MIDN: variants seen among roughly 807,000 people sequenced by gnomAD.
The protein encoded by MIDN is midnolin.
MIDN carries 26 observed loss-of-function variants against 46.1 expected under a neutral mutation model. The ratio of observed to expected loss-of-function variants is 0.56; its 90% CI spans 0.41 to 0.78. The LOEUF is 0.78. Among genes scored for constraint, MIDN ranks in the 30% least tolerant of loss-of-function variants. MIDN has a pLI of 0.00. For synonymous variants in MIDN, 432 were observed against 343.3 expected, an observed-to-expected ratio of 1.26 and a Z score of -2.86; for missense variants, 850 against 771.8, an observed-to-expected ratio of 1.10 and a Z score of -1.20.
chr19:1,253,254 A>G (rs2145490833), intron 4 of MIDN, among the ~76,000 whole-genome samples: 1 of 151,530 alleles, frequency 6.6e-6, no homozygotes, highest in East Asian at 2.0e-4. Context: ...GCTGGGCCGC[A>G]GGGTGGGGGC....
intron 2 of MIDN, 121 bp from the exon 3 acceptor site, chr19:1,251,441 G>T: frequency 1.2e-6 from 1 of 820,400 alleles, no homozygotes; most frequent in South Asian, 1.7e-5. Context: ...AAGCCGGGAA[G>T]GGGTGGGGGT....
At position 1,257,143 on chromosome 19, in the gene MIDN, C is replaced by G; in HGVS notation, c.1407C>G (p.Arg469=). The change falls in exon 9 of 9, where the codon CGC becomes CGG. Residue 469 remains arginine, a synonymous_variant. Transcript: ENST00000682408. ...YHWSPSRKAG[R]SDSSSSGGGG... ...GGTCACCCAGCCGCAAGGCCGGCCG[C>G]AGCGACAGCAGTAGCAGCGGGGGCG... The G allele has an allele frequency of 1.9e-6, 3 of 1,611,458 alleles. No homozygotes were observed. Among genetic ancestry groups the G allele is most frequent in the Non-Finnish European group, 2.5e-6 (3 of 1,179,186 alleles).
intron 2 of MIDN, among the ~76,000 whole-genome samples, chr19:1,250,917 C>T (rs572781992): frequency 6.6e-6 from 1 of 151,614 alleles, no homozygotes; most frequent in Non-Finnish European, 1.5e-5. Context: ...GCGTCTCTCT[C>T]CCCCCCTTTG....
intron 1 of MIDN, among the ~76,000 whole-genome samples, chr19:1,249,578 G>A (rs1042345204): frequency 4.7e-5 from 7 of 150,202 alleles, no homozygotes; most frequent in Non-Finnish European, 7.4e-5. Flanking sequence ...GCGGGCTCCG[G>A]GCGCTTATGA....
intron 6 of MIDN, 89 bp downstream of exon 6, chr19:1,254,567 A>G (rs2145493894): frequency 7.3e-7 from 1 of 1,369,356 alleles, no homozygotes; most frequent in Non-Finnish European, 1.0e-6. Flanking sequence ...AAGGACTCTT[A>G]GTCCCAGGTG....
chr19:1,248,942 C>T (rs1229570954), intron 1 of MIDN, among the ~76,000 whole-genome samples: 1 of 152,042 alleles, frequency 6.6e-6, no homozygotes, highest in Non-Finnish European at 1.5e-5. Flanking sequence ...CGGTCCCAGT[C>T]TCCCGACTAC....
chr19:1,251,096 CGG>C (rs2081121551), intron 2 of MIDN, among the ~76,000 whole-genome samples: 3 of 151,980 alleles, frequency 2.0e-5, no homozygotes, highest in Non-Finnish European at 4.4e-5. Flanking sequence ...GTCTGCGCGG[CGG>C]CGGCCGCCTG....
intron 4 of MIDN, among the ~76,000 whole-genome samples, chr19:1,253,448 GAGAGCAGGGCTCTGGCCCATACCC>G (rs2081158932): frequency 6.6e-6 from 1 of 152,100 alleles, no homozygotes; most frequent in Admixed American, 6.5e-5. Flanking sequence ...GGCCACTGGG[GAGAGCAGGGCTCTGGCCCATACCC>G]AGAGCAGGGG....
chr19:1,256,461 G>A (rs1337796462), intron 8 of MIDN, among the ~76,000 whole-genome samples: 14 of 143,596 alleles, frequency 9.7e-5, no homozygotes, highest in East Asian at 2.1e-4. Flanking sequence ...CAGCCTGGGC[G>A]ACAGAGCGAG....
rs748612554 is a variant in MIDN, at chr19:1,254,344, G to A, written c.691G>A (p.Val231Met). ...GGGGGACCCCAGCATAGCCTCCCCC[G>A]TGTCCTCGCCCTGCCGGCCGGTGTC... ...ARGDPSIASP[V>M]SSPCRPVSSA... Residue 231 changes from valine to methionine, a missense_variant, in exon 6 of 9, where the codon GTG becomes ATG. Coordinates refer to ENST00000682408, the MANE Select transcript of MIDN (RefSeq NM_001388306.1). 2.0e-5 allele frequency: 31 copies of A among 1,565,490 alleles called. No individual in the cohort carries two copies. The highest frequency in any genetic ancestry group is 2.7e-5 in the African/African-American group (2 of 74,014).
At chr19:1,253,044 T>TGGGGGGGG (rs111898804) in intron 4 of MIDN, among the ~76,000 whole-genome samples, 1 of 131,774 alleles carries the variant, frequency 7.6e-6, no homozygotes, top group African/African-American at 3.3e-5. Context: ...TGGGGGGGGC[T>TGGGGGGGG]GGAGGGGGTG....
intron 4 of MIDN, among the ~76,000 whole-genome samples, chr19:1,252,304 G>T (rs1038761244): frequency 6.6e-6 from 1 of 152,180 alleles, no homozygotes; most frequent in Admixed American, 6.5e-5. Flanking sequence ...GCTGAGGGCT[G>T]GGGGTGGCGG....
rs773223384 is a variant in MIDN at position 1,250,536 on chromosome 19, A to C, written c.233+7A>C. 5 of 1,222,598 alleles carry C rather than the reference A, an allele frequency of 4.1e-6. No individual in the cohort carries two copies. Among genetic ancestry groups the C allele is most frequent in the Non-Finnish European group, 4.2e-6 (4 of 958,208 alleles). The allele number at this position is 1,222,598 out of a possible 1,614,324, so 75.7% of individuals were successfully genotyped here. On this transcript the variant is annotated splice_region_variant and intron_variant, in intron 2 of 8. Transcript: ENST00000682408. ...CTCTTCTCCACAAAGACACGTAGGT[A>C]CCGCGCGCCCCCGGCCGGCCGCCCC... is the stretch of plus-strand genomic sequence containing the variant.
intron 8 of MIDN, 40 bp downstream of exon 8, chr19:1,255,734 C>T (rs1404143298): frequency 6.7e-7 from 1 of 1,494,470 alleles, no homozygotes; most frequent in East Asian, 2.4e-5. Flanking sequence ...TCCCCGCCCG[C>T]CTGGGCTTCT....
At chr19:1,255,873 C>T (rs902478214) in intron 8 of MIDN, among the ~76,000 whole-genome samples, 179 bp downstream of exon 8, 1 of 152,252 alleles carries the variant, frequency 6.6e-6, no homozygotes, top group Non-Finnish European at 1.5e-5. Flanking sequence ...TGTCAGGGCA[C>T]AAAGTGTCCT....
rs533915505 is a variant in MIDN at position 1,254,532 on chromosome 19, G to C, written c.825+54G>C. On this transcript the variant is annotated intron_variant, in intron 6 of 8. Transcript: ENST00000682408. Reference sequence around the variant, plus strand: ...TTGGTTGGAATCCAAAGGGTGGGCCGTCCTGGGGAGGTCTTGGGGAGGACA... The same window carrying C: ...TTGGTTGGAATCCAAAGGGTGGGCCCTCCTGGGGAGGTCTTGGGGAGGACA... 2.6e-6 allele frequency: 4 copies of C among 1,517,206 alleles called. No individual in the cohort carries two copies. In the Admixed American group the frequency reaches 7.9e-5, roughly 30 times the overall value. 94.0% of individuals were successfully genotyped at this position (1,517,206 alleles called of 1,614,324 possible). A position where few individuals can be genotyped will look rare whatever the true frequency, so the allele number is the denominator to read the frequency against.
Position 1,255,606 on chromosome 19 carries a change from C to G in MIDN, c.1170C>G (p.Pro390=), listed in dbSNP as rs2081190239. The change falls in exon 8 of 9, where the codon CCC becomes CCG. Residue 390 remains proline (P), a synonymous_variant. Coordinates refer to ENST00000682408, the MANE Select transcript of MIDN (RefSeq NM_001388306.1). The part of the protein sequence containing the change: ...SPASPAPDLA[P]RTTSCEKLTA... Reference sequence around the variant, plus strand: ...CCTCACCGGCCCCCGACCTGGCCCCCAGAACTACCTCCTGCGAGAAGCTCA... The same window carrying G: ...CCTCACCGGCCCCCGACCTGGCCCCGAGAACTACCTCCTGCGAGAAGCTCA... 2 of 1,609,612 alleles carry G rather than the reference C, an allele frequency of 1.2e-6. No homozygotes were observed. Among genetic ancestry groups the G allele is most frequent in the African/African-American group, 1.3e-5 (1 of 74,910 alleles).
intron 7 of MIDN, 91 bp from the exon 8 acceptor site, chr19:1,255,331 C>G (rs1471857751): frequency 1.2e-5 from 17 of 1,424,810 alleles, no homozygotes; most frequent in Non-Finnish European, 1.5e-5. Context: ...CACGCCATTG[C>G]CTGAGCTCAT....
chr19:1,255,083 T>C (rs893711047), intron 7 of MIDN, 22 bp downstream of exon 7: 2 of 1,601,974 alleles, frequency 1.2e-6, no homozygotes, highest in Admixed American at 3.4e-5. Flanking sequence ...AGCACATGTG[T>C]GAGCTCACGT....
Sources: gnomAD v4.1 joint callset for allele counts (sites outside exome capture counted in the v4.1 genomes callset) on GRCh38, gnomAD v4.1.1 for gene constraint, MANE v1.5 for transcripts, NCBI Gene and HGNC (gene_info 2026-07-23, HGNC 2026-07-21) for gene names.